CRHR1: variants seen among roughly 807,000 people sequenced by gnomAD.
CRHR1 encodes corticotropin releasing hormone receptor 1.
A neutral mutation model predicts 56.0 loss-of-function variants in CRHR1; 28 were observed. That is an observed-to-expected ratio of 0.50 (90% confidence interval 0.37 to 0.69). The LOEUF (loss-of-function observed/expected upper bound fraction) is 0.69, where lower values mean the gene tolerates loss of function less well. CRHR1 is among the 30% of genes least tolerant of loss of function. The pLI is 0.00. For missense variants in CRHR1, 376 were observed against 548.0 expected, an observed-to-expected ratio of 0.69 and a Z score of 3.13; for synonymous variants, 195 against 216.5, an observed-to-expected ratio of 0.90 and a Z score of 0.87.
intron 1 of CRHR1, among the ~76,000 whole-genome samples, chr17:45,787,806 C>T (rs917608802): frequency 5.9e-5 from 9 of 152,128 alleles, no homozygotes; most frequent in Non-Finnish European, 1.5e-5. Context: ...GCCAGGTTTT[C>T]GAGGGGAGCG....
intron 1 of CRHR1, among the ~76,000 whole-genome samples, chr17:45,786,185 A>G (rs1384995093): frequency 1.4e-5 from 2 of 147,544 alleles, no homozygotes; most frequent in African/African-American, 2.5e-5. Context: ...CTGGCCTTTC[A>G]TAGAATTGTG....
At chr17:45,822,292 T>G (rs2143134383) in intron 4 of CRHR1, among the ~76,000 whole-genome samples, 1 of 152,384 alleles carries the variant, frequency 6.6e-6, no homozygotes, top group African/African-American at 2.4e-5. Context: ...TTACAAATGC[T>G]GCTGCAATGA....
intron 4 of CRHR1, among the ~76,000 whole-genome samples, chr17:45,823,142 CAA>C (rs1226446573): frequency 1.8e-4 from 14 of 76,304 alleles, no homozygotes; most frequent in African/African-American, 2.3e-4. Flanking sequence ...GACTCTGTCT[CAA>C]AAAAAAAAAA....
rs746284420 is a variant in CRHR1 at position 45,830,832 on chromosome 17, TC to T, written c.710-46del. 5.7e-6 allele frequency: 9 copies of T among 1,587,492 alleles called. No individual in the cohort carries two copies. In the African/African-American group the frequency reaches 1.2e-4, roughly 21 times the overall value. ...TGCACTGGGGTTCTCCAGGCCCACA[TC>T]CTCCAGCCCCCGCTGAGGGCTCTGT... On this transcript the variant is annotated intron_variant, in intron 7 of 12. Transcript: ENST00000314537.
At chr17:45,819,718 C>T (rs1225443160) in intron 3 of CRHR1, among the ~76,000 whole-genome samples, 11 of 152,196 alleles carry the variant, frequency 7.2e-5, no homozygotes, top group Admixed American at 7.2e-4. Flanking sequence ...CTCCCTGAGA[C>T]TGCGGTCCAC....
intron 4 of CRHR1, among the ~76,000 whole-genome samples, chr17:45,823,556 C>T (rs2062092671): frequency 6.6e-6 from 1 of 152,046 alleles, no homozygotes; most frequent in African/African-American, 2.4e-5. Context: ...TACAGGAATG[C>T]ACCACCATGC....
In CRHR1 at chr17:45,834,808, G is replaced by A. The variant is rs116891369; in HGVS notation, c.*44G>A. 6,458 of 1,610,914 alleles carry A rather than the reference G, an allele frequency of 4.0e-3. 31 individuals carry two copies. Among genetic ancestry groups the A allele is most frequent in the South Asian group, 8.0e-3 (730 of 91,016 alleles). On this transcript the variant is annotated 3_prime_UTR_variant, in exon 13 of 13. Coordinates refer to ENST00000314537, the MANE Select transcript of CRHR1 (RefSeq NM_004382.5). ...AGCCCCCAAAGAGCTGTGGCTGGGG[G>A]GATGACGGCCAGGCTCCCTGACCAC...
chr17:45,820,707 TC>T (rs146452805), intron 3 of CRHR1, among the ~76,000 whole-genome samples: 13,749 of 152,020 alleles, frequency 0.09, 773 homozygotes, highest in Middle Eastern at 0.15. Context: ...TCATGGATGT[TC>T]CCCCCACCCA....
intron 2 of CRHR1, 105 bp from the exon 3 acceptor site, chr17:45,816,358 A>C: frequency 6.8e-7 from 1 of 1,466,230 alleles, no homozygotes; most frequent in African/African-American, 1.4e-5. Context: ...AGCTGGTGTG[A>C]GTGGGAACGA....
chr17:45,805,409 A>T (rs1249107359), intron 1 of CRHR1, among the ~76,000 whole-genome samples: 1 of 152,032 alleles, frequency 6.6e-6, no homozygotes, highest in African/African-American at 2.4e-5. Flanking sequence ...CCTACACCCT[A>T]GAAGTCTTTG....
At chr17:45,832,789 G>T (rs2143265470) in intron 8 of CRHR1, among the ~76,000 whole-genome samples, 1 of 152,374 alleles carries the variant, frequency 6.6e-6, no homozygotes, top group Admixed American at 6.5e-5. Flanking sequence ...CAGAGGGCAT[G>T]CTGGGCCTCA....
chr17:45,805,304 C>T (rs1044953926), intron 1 of CRHR1, among the ~76,000 whole-genome samples: 4 of 152,066 alleles, frequency 2.6e-5, no homozygotes, highest in African/African-American at 4.8e-5. Flanking sequence ...CTAAGATTTT[C>T]GATGCTCCCT....
chr17:45,785,161 C>A (rs1453302169), intron 1 of CRHR1, among the ~76,000 whole-genome samples: 1 of 152,238 alleles, frequency 6.6e-6, no homozygotes, highest in Non-Finnish European at 1.5e-5. Context: ...TCCTGTTCCC[C>A]GACCGCGGCT....
chr17:45,819,750 A>G (rs551778645), intron 3 of CRHR1, among the ~76,000 whole-genome samples: 14 of 152,276 alleles, frequency 9.2e-5, no homozygotes, highest in African/African-American at 3.4e-4. Context: ...AGCTTTAAAA[A>G]TCCATTTAGC....
chr17:45,834,704 C>G lies in CRHR1; in HGVS notation c.1188C>G (p.Ser396=), dbSNP rs551094849. Residue 396 remains serine, a synonymous_variant, in exon 13 of 13, where the codon TCC becomes TCG. Transcript: ENST00000314537. ...GTGCCCGAGTGGCCCGTGCCATGTC[C>G]ATCCCCACCTCCCCAACCCGTGTCA... The part of the protein sequence containing the change: ...SIRARVARAM[S]IPTSPTRVSF... 6.2e-7 allele frequency: 1 copy of G among 1,613,810 alleles called. No homozygotes were observed. The highest frequency in any genetic ancestry group is 2.2e-5 in the East Asian group (1 of 44,860).
intron 2 of CRHR1, among the ~76,000 whole-genome samples, chr17:45,813,179 C>T (rs980571092): frequency 6.6e-6 from 1 of 152,214 alleles, no homozygotes; most frequent in African/African-American, 2.4e-5. Flanking sequence ...GTGGACAGTG[C>T]CAACTGGCCA....
rs1358369057 is a variant in CRHR1 at position 45,831,003 on chromosome 17, C to T, written c.770+63C>T. 3.3e-6 allele frequency: 5 copies of T among 1,511,270 alleles called. No individual in the cohort carries two copies. In the South Asian group the frequency reaches 3.4e-5, roughly 10 times the overall value. 93.6% of individuals were successfully genotyped at this position (1,511,270 alleles called of 1,614,324 possible). ...AGGCTCCCAGCCCAGCTTGGTGACA[C>T]TCCCCACGGGCATTGGCCATGCTGG... On this transcript the variant is annotated intron_variant, in intron 8 of 12. Coordinates refer to ENST00000314537, the MANE Select transcript of CRHR1 (RefSeq NM_004382.5).
At position 45,784,913 on chromosome 17, in the gene CRHR1, C is replaced by A. The variant is rs1025080979; in HGVS notation, c.33+336C>A. Among the ~76,000 whole-genome samples the A allele has an allele frequency of 2.0e-5, 3 of 152,136 alleles. No individual in the cohort carries two copies. The highest frequency in any genetic ancestry group is 6.5e-5 in the Admixed American group (1 of 15,284). On this transcript the variant is annotated intron_variant, in intron 1 of 12. Transcript: ENST00000314537. The surrounding 1 kb of genome is among the most constrained non-coding windows in gnomAD (Gnocchi z 4.2). ...GGGAGGGGAGGTTCCACCTCCCACG[C>A]CCTTCCTGCAGACCTCGGCCCCGGG...
intron 5 of CRHR1, chr17:45,829,680 C>G: frequency 1.3e-6 from 2 of 1,538,752 alleles, no homozygotes; most frequent in Non-Finnish European, 1.8e-6. Context: ...GCCAAGGATG[C>G]AGGTGGCAGA....
Sources: gnomAD v4.1 joint callset for allele counts (sites outside exome capture counted in the v4.1 genomes callset) on GRCh38, gnomAD v4.1.1 for gene constraint, Gnocchi (gnomAD v3.1) non-coding constraint, MANE v1.5 for transcripts, NCBI Gene and HGNC (gene_info 2026-07-23, HGNC 2026-07-21) for gene names.